Variants in ZNF592 observed in about 807,000 individuals in gnomAD.
ZNF592 encodes the protein zinc finger protein 592, also known as spinocerebellar ataxia, autosomal recessive 5.
A neutral mutation model predicts 80.3 loss-of-function variants in ZNF592; 11 were observed. That is an observed-to-expected ratio of 0.14 (90% confidence interval 0.09 to 0.23). The LOEUF (loss-of-function observed/expected upper bound fraction) is 0.23. Ranked by LOEUF, ZNF592 falls within the 10% of genes least tolerant of loss-of-function variation. ZNF592 has a pLI of 1.00. For synonymous variants in ZNF592, 646 were observed against 640.3 expected, an observed-to-expected ratio of 1.01 and a Z score of -0.13; for missense variants, 1,420 against 1,633.9, an observed-to-expected ratio of 0.87 and a Z score of 2.26.
intron 1 of ZNF592, among the ~76,000 whole-genome samples, chr15:84,763,662 T>G (rs1397245531): frequency 6.6e-6 from 1 of 152,228 alleles, no homozygotes; most frequent in African/African-American, 2.4e-5. Context: ...TTCCCTTCCC[T>G]TCTACATTTT....
intron 3 of ZNF592, among the ~76,000 whole-genome samples, 158 bp downstream of exon 3, chr15:84,778,470 C>T (rs774088276): frequency 3.9e-5 from 6 of 152,274 alleles, no homozygotes; most frequent in Non-Finnish European, 8.8e-5. Context: ...GTTCTACACT[C>T]GTGAGGTTAT....
chr15:84,782,935 C>T lies in ZNF592; in HGVS notation c.260C>T (p.Thr87Ile). 6.2e-7 allele frequency: 1 copy of T among 1,614,222 alleles called. No individual in the cohort carries two copies. The highest frequency in any genetic ancestry group is 8.5e-7 in the Non-Finnish European group (1 of 1,180,038). Residue 87 changes from threonine (T) to isoleucine (I), a missense_variant, in exon 4 of 11, where the codon ACT becomes ATT. Physicochemically the swap from Thr to Ile is moderately conservative, Grantham distance 89 (BLOSUM62 -1). Transcript: ENST00000560079. Reference protein sequence around the residue: ...ESFEAEKDHITPSLLHNGFRG... With the variant: ...ESFEAEKDHIIPSLLHNGFRG... The stretch of plus-strand genomic sequence containing the variant: ...TTTGAAGCGGAGAAAGACCACATTA[C>T]TCCCAGTCTCCTACACAATGGATTC...
chr15:84,797,645 G>A (rs575227056), intron 5 of ZNF592, among the ~76,000 whole-genome samples: 6 of 152,336 alleles, frequency 3.9e-5, no homozygotes, highest in African/African-American at 9.6e-5. Flanking sequence ...TGTACAAGGC[G>A]TGGCCTTGGG....
At chr15:84,774,841 C>T (rs1278318322) in intron 2 of ZNF592, among the ~76,000 whole-genome samples, 1 of 152,032 alleles carries the variant, frequency 6.6e-6, no homozygotes, top group Non-Finnish European at 1.5e-5. Flanking sequence ...AGTACAATGG[C>T]GTGATCTCGG....
intron 3 of ZNF592, among the ~76,000 whole-genome samples, chr15:84,781,675 G>GA (rs1962425107): frequency 6.6e-6 from 1 of 152,158 alleles, no homozygotes; most frequent in Admixed American, 6.5e-5. Context: ...TAAAGGCCCT[G>GA]GAATGCTGAA....
chr15:84,773,210 C>T (rs1313024299), intron 2 of ZNF592, among the ~76,000 whole-genome samples: 1 of 147,048 alleles, frequency 6.8e-6, no homozygotes, highest in Non-Finnish European at 1.5e-5. Context: ...CACCACCCAC[C>T]AGGGTTTTTT....
chr15:84,777,625 T>G (rs982551396), intron 2 of ZNF592, among the ~76,000 whole-genome samples: 6 of 151,690 alleles, frequency 4.0e-5, no homozygotes, highest in Admixed American at 3.9e-4. Context: ...TAATACAATT[T>G]GAAACATAGT....
chr15:84,783,880 G>A lies in ZNF592; in HGVS notation c.1205G>A (p.Ser402Asn), dbSNP rs1349869288. The change falls in exon 4 of 11, where the codon AGT (serine) becomes AAT (asparagine). Residue 402 changes from serine (S) to asparagine (N), a missense_variant. Coordinates refer to ENST00000560079, the MANE Select transcript of ZNF592 (RefSeq NM_014630.3). This position sits in a 1 kb window ranked among gnomAD's most constrained non-coding sequence, Gnocchi z 5.0. ...TRILPDPDDP[S>N]KSPVGSPLGS... ...ATCCTGCCAGATCCTGATGATCCAA[G>A]TAAGTCCCCTGTTGGGTCACCTCTA... The A allele has an allele frequency of 1.2e-6, 2 of 1,614,102 alleles. No individual in the cohort carries two copies. The highest frequency in any genetic ancestry group is 2.7e-5 in the African/African-American group (2 of 74,932).
chr15:84,760,589 G>T (rs1899320453), intron 1 of ZNF592, among the ~76,000 whole-genome samples: 1 of 152,144 alleles, frequency 6.6e-6, no homozygotes. Flanking sequence ...CACAGTAATG[G>T]TGCTCAATAT....
chr15:84,797,834 T>G (rs1338882905), intron 5 of ZNF592, 35 bp from the exon 6 acceptor site: 1 of 1,613,650 alleles, frequency 6.2e-7, no homozygotes, highest in Admixed American at 1.7e-5. Context: ...CTCCCTATAC[T>G]CCACCCACAC....
At chr15:84,796,979 C>T (rs933267875) in intron 5 of ZNF592, among the ~76,000 whole-genome samples, 3 of 152,236 alleles carry the variant, frequency 2.0e-5, no homozygotes, top group Admixed American at 6.5e-5. Flanking sequence ...CGCTCCCCCC[C>T]AAGAGACAGG....
At chr15:84,775,413 T>G (rs990614220) in intron 2 of ZNF592, among the ~76,000 whole-genome samples, 29 of 145,148 alleles carry the variant, frequency 2.0e-4, no homozygotes, top group Non-Finnish European at 7.4e-5. Flanking sequence ...CTGGGTGTTG[T>G]TGTTGTTGTT....
Position 84,804,917 on chromosome 15 carries a change from C to G in ZNF592, c.*2524C>G, listed in dbSNP as rs888816903. 2.0e-5 allele frequency: 3 copies of G among 152,126 alleles called. No individual in the cohort carries two copies. Among genetic ancestry groups the G allele is most frequent in the Non-Finnish European group, 4.4e-5 (3 of 68,030 alleles). The allele number at this position is 152,126 out of a possible 1,614,324, so 9.4% of individuals were successfully genotyped here. A position where few individuals can be genotyped will look rare whatever the true frequency, so the allele number is the denominator to read the frequency against. ...GTCCTCCATTTTACGGAGAAGAAAC[C>G]GAGGCTCCGAGAGGTTAAACGATGT... On this transcript the variant is annotated 3_prime_UTR_variant, in exon 11 of 11. Transcript: ENST00000560079.
Position 84,798,929 on chromosome 15 carries a change from T to C in ZNF592, c.3024+54T>C. The C allele has an allele frequency of 6.3e-7, 1 of 1,598,000 alleles. No individual in the cohort carries two copies. The highest frequency in any genetic ancestry group is 8.5e-7 in the Non-Finnish European group (1 of 1,177,032). Reference sequence around the variant, plus strand: ...GAGCCCAGTCCTCTGGACTTCCTTCTGTGAAGCCAGAACCCCTAGGGTTCC... The same window carrying C: ...GAGCCCAGTCCTCTGGACTTCCTTCCGTGAAGCCAGAACCCCTAGGGTTCC... On this transcript the variant is annotated intron_variant, in intron 8 of 10. Coordinates refer to ENST00000560079, the MANE Select transcript of ZNF592 (RefSeq NM_014630.3). This position sits in a 1 kb window ranked among gnomAD's most constrained non-coding sequence, Gnocchi z 4.5.
chr15:84,753,834 A>G (rs1041277971), intron 1 of ZNF592, among the ~76,000 whole-genome samples: 1 of 152,162 alleles, frequency 6.6e-6, no homozygotes, highest in African/African-American at 2.4e-5. Flanking sequence ...AACATCCTGA[A>G]TAGGAGAGAG....
chr15:84,765,455 A>G (rs56342609), intron 2 of ZNF592, among the ~76,000 whole-genome samples: 9,019 of 151,828 alleles, frequency 0.059, 330 homozygotes, highest in African/African-American at 0.074. Flanking sequence ...TTTCTATAGC[A>G]GCTGCACCAT....
chr15:84,796,347 G>A (rs545880385), intron 5 of ZNF592, among the ~76,000 whole-genome samples: 6 of 145,238 alleles, frequency 4.1e-5, no homozygotes, highest in African/African-American at 1.0e-4. Flanking sequence ...ATGAAGGCAC[G>A]CCTTTTATTT....
Position 84,784,039 on chromosome 15 carries a change from C to T in ZNF592, c.1364C>T (p.Ala455Val), listed in dbSNP as rs749963693. Residue 455 changes from alanine to valine, a missense_variant, in exon 4 of 11, where the codon GCC becomes GTC. By Grantham distance (64) the Ala-to-Val change is moderately conservative. This residue lies in a region of ZNF592 where 524 missense variants were observed against 628.3 expected (regional missense o/e 0.83). Transcript: ENST00000560079. This position sits in a 1 kb window ranked among gnomAD's most constrained non-coding sequence, Gnocchi z 5.8. ...AAAGGGGACGAGAGCATGACAAAGG[C>T]CAGTGACTCGTCATCTCCCAGCTGC... ...ARKGDESMTK[A>V]SDSSSPSCSS... is the part of the protein sequence containing the mutation. 6.2e-7 allele frequency: 1 copy of T among 1,612,614 alleles called. No homozygotes were observed. The highest frequency in any genetic ancestry group is 1.3e-5 in the African/African-American group (1 of 75,008).
rs1285421952 is a variant in ZNF592, at chr15:84,796,239, AAT to A, written c.2400-1605_2400-1604del. ...TCTGTCTCAAAAAAAAAAAAAAAAA[AAT>A]ATATATATATATATATATATATATT... On this transcript the variant is annotated intron_variant, in intron 5 of 10. Coordinates refer to ENST00000560079, the MANE Select transcript of ZNF592 (RefSeq NM_014630.3). Among the ~76,000 whole-genome samples the A allele has an allele frequency of 3.5e-3, 118 of 33,302 alleles. 1 individual carries two copies. Among genetic ancestry groups the A allele is most frequent in the East Asian group, 6.3e-3 (7 of 1,106 alleles). The allele number at this position is 33,302 out of a possible 152,430, so 21.8% of individuals were successfully genotyped here. A position where few individuals can be genotyped will look rare whatever the true frequency, so the allele number is the denominator to read the frequency against.
Sources: gnomAD v4.1 joint callset for allele counts (sites outside exome capture counted in the v4.1 genomes callset) on GRCh38, gnomAD v4.1.1 for gene constraint, gnomAD v4.1.1 regional missense constraint, Gnocchi (gnomAD v3.1) non-coding constraint, MANE v1.5 for transcripts, NCBI Gene and HGNC (gene_info 2026-07-23, HGNC 2026-07-21) for gene names.